CCPG1: variants seen among roughly 807,000 people sequenced by gnomAD.
CCPG1 encodes the protein cell cycle progression 1.
CCPG1 carries 46 observed loss-of-function variants against 81.3 expected under a neutral mutation model. The ratio of observed to expected loss-of-function variants is 0.57; its 90% CI spans 0.45 to 0.72. The LOEUF (loss-of-function observed/expected upper bound fraction) is 0.72. Ranked by LOEUF, CCPG1 falls within the 30% of genes least tolerant of loss-of-function variation. The probability of loss-of-function intolerance (pLI) is 0.00; values close to 1 mark genes in which losing one functional copy is unlikely to be tolerated. For synonymous variants in CCPG1, 330 were observed against 305.2 expected, an observed-to-expected ratio of 1.08 and a Z score of -0.85; for missense variants, 902 against 937.6, an observed-to-expected ratio of 0.96 and a Z score of 0.50.
chr15:55,361,956 T>G (rs1159624089), intron 7 of CCPG1, among the ~76,000 whole-genome samples: 1 of 152,146 alleles, frequency 6.6e-6, no homozygotes. Context: ...TATGGTAAAT[T>G]TTTGAAGTTC....
chr15:55,404,596 C>T (rs2057182183), intron 1 of CCPG1, among the ~76,000 whole-genome samples: 1 of 152,172 alleles, frequency 6.6e-6, no homozygotes, highest in African/African-American at 2.4e-5. Context: ...GTACTTTCAC[C>T]TCTGATTTAA....
chr15:55,399,650 C>G (rs2057089080), intron 1 of CCPG1: 1 of 152,052 alleles, frequency 6.6e-6, no homozygotes, highest in Non-Finnish European at 1.5e-5. Flanking sequence ...CCTTAAGAAG[C>G]AAATATCTGT....
At chr15:55,360,990 A>G (rs756411932) in intron 7 of CCPG1, 46 bp from the exon 8 acceptor site, 35 of 1,450,868 alleles carry the variant, frequency 2.4e-5, no homozygotes, top group Non-Finnish European at 2.8e-5. Flanking sequence ...CAAATGCTTT[A>G]AAAGCTGAAT....
chr15:55,376,875 T>C, intron 5 of CCPG1, 74 bp downstream of exon 5: 1 of 1,054,102 alleles, frequency 9.5e-7, no homozygotes, highest in Non-Finnish European at 1.4e-6. Context: ...ACTAAATTAT[T>C]AGGGGTAGAA....
At chr15:55,365,522 G>GC (rs2056308732) in intron 6 of CCPG1, among the ~76,000 whole-genome samples, 1 of 149,772 alleles carries the variant, frequency 6.7e-6, no homozygotes, top group African/African-American at 2.5e-5. Context: ...CCTGGTTCAA[G>GC]CAATTCTCGT....
intron 5 of CCPG1, among the ~76,000 whole-genome samples, chr15:55,374,929 T>C (rs999322146): frequency 2.0e-5 from 3 of 152,192 alleles, no homozygotes; most frequent in African/African-American, 7.2e-5. Flanking sequence ...TCTCCCAAAG[T>C]GCAGGGATTA....
chr15:55,377,106 A>G lies in CCPG1; in HGVS notation c.297T>C (p.Thr99=). 2.5e-6 allele frequency: 4 copies of G among 1,613,820 alleles called. No homozygotes were observed. The highest frequency in any genetic ancestry group is 2.7e-5 in the African/African-American group (2 of 75,052). ...TAACAATATCAGAATCATCACTGGCAGTTCCAATATAGATACTGTCTTCGG... is the reference window on the plus strand; with the variant it reads ...TAACAATATCAGAATCATCACTGGCGGTTCCAATATAGATACTGTCTTCGG... The part of the protein sequence containing the change: ...KIPEDSIYIG[T]ASDDSDIVTL... The change falls in exon 5 of 9, where the codon ACT becomes ACC. Residue 99 remains threonine (T), a synonymous_variant. Coordinates refer to ENST00000442196, the MANE Select transcript of CCPG1 (RefSeq NM_001204450.2).
At chr15:55,402,787 T>C (rs958424021) in intron 1 of CCPG1, among the ~76,000 whole-genome samples, 1 of 152,246 alleles carries the variant, frequency 6.6e-6, no homozygotes, top group African/African-American at 2.4e-5. Context: ...TTTGAGAATA[T>C]TAAAAACAAT....
intron 8 of CCPG1, chr15:55,356,831 C>T (rs1198999924): frequency 1.0e-6 from 1 of 989,420 alleles, no homozygotes; most frequent in East Asian, 1.1e-4. Flanking sequence ...GCTCACAACA[C>T]CTACACCGCT....
Position 55,359,575 on chromosome 15 carries a change from A to G in CCPG1, c.2198T>C (p.Phe733Ser). 6.2e-7 allele frequency: 1 copy of G among 1,611,672 alleles called. No homozygotes were observed. The highest frequency in any genetic ancestry group is 8.5e-7 in the Non-Finnish European group (1 of 1,179,332). Residue 733 changes from phenylalanine to serine, a missense_variant, in exon 8 of 9, where the codon TTC (phenylalanine) becomes TCC (serine). This residue lies in a region of CCPG1 where 128 missense variants were observed against 161.2 expected (regional missense o/e 0.79). Transcript: ENST00000442196. ...TGGAGGGGAAAAAGTGTGACCAAAG[A>G]AGTGTCTATATATATATTCATCCAA... ...EKLDEYIYRH[F>S]FGHTFSPPYG...
At chr15:55,407,044 C>CCCCCG (rs2057244826) in intron 1 of CCPG1, among the ~76,000 whole-genome samples, 4 of 135,610 alleles carry the variant, frequency 2.9e-5, no homozygotes, top group South Asian at 2.3e-4. Context: ...GAGACCCCCC[C>CCCCCG]CCCCGCCCCG....
intron 2 of CCPG1, among the ~76,000 whole-genome samples, chr15:55,388,129 A>C (rs2056841095): frequency 6.6e-6 from 1 of 151,936 alleles, no homozygotes; most frequent in African/African-American, 2.4e-5. Context: ...AGACAACAAG[A>C]GCGACAGCCT....
At chr15:55,366,695 C>G (rs767257200) in intron 6 of CCPG1, among the ~76,000 whole-genome samples, 2 of 152,110 alleles carry the variant, frequency 1.3e-5, no homozygotes, top group Non-Finnish European at 2.9e-5. Flanking sequence ...TCGCTTAAAC[C>G]CGGGAGGTGG....
intron 7 of CCPG1, among the ~76,000 whole-genome samples, chr15:55,361,270 C>T (rs958070190): frequency 6.6e-6 from 1 of 151,344 alleles, no homozygotes; most frequent in Non-Finnish European, 1.5e-5. Context: ...TGAGTTCAAG[C>T]GACTCTCCAG....
intron 1 of CCPG1, among the ~76,000 whole-genome samples, chr15:55,390,116 G>T (rs1190020516): frequency 6.6e-6 from 1 of 152,176 alleles, no homozygotes; most frequent in Non-Finnish European, 1.5e-5. Context: ...TAGAGACGGG[G>T]TTTCACTATG....
At chr15:55,368,634 T>C (rs558477839) in intron 6 of CCPG1, among the ~76,000 whole-genome samples, 52 of 152,318 alleles carry the variant, frequency 3.4e-4, no homozygotes, top group Admixed American at 2.9e-3. Context: ...TGCTTTCTCA[T>C]GAAACTTTTT....
intron 6 of CCPG1, among the ~76,000 whole-genome samples, chr15:55,370,058 AAAT>A (rs1467341406): frequency 6.6e-5 from 10 of 152,238 alleles, no homozygotes; most frequent in African/African-American, 2.4e-4. Flanking sequence ...GAAAGGATAC[AAAT>A]AATAGTATCT....
At chr15:55,363,566 A>G (rs1184392159) in intron 7 of CCPG1, among the ~76,000 whole-genome samples, 1 of 150,486 alleles carries the variant, frequency 6.6e-6, no homozygotes, top group African/African-American at 2.4e-5. Context: ...GTCTACAGCC[A>G]TAACACCCTA....
Position 55,360,718 on chromosome 15 carries a change from T to A in CCPG1, c.1055A>T (p.Gln352Leu). The change falls in exon 8 of 9, where the codon CAG becomes CTG. Residue 352 changes from glutamine to leucine, a missense_variant. Physicochemically the swap from Gln to Leu is moderately radical, Grantham distance 113 (BLOSUM62 -2). This residue lies in a region of CCPG1 where 746 missense variants were observed against 728.6 expected (regional missense o/e 1.02). Transcript: ENST00000442196. Reference sequence around the variant, plus strand: ...CTCTTCCAAATGCTGCTTAAGTTTCTGATTTTCTTTAACTAATTCAGTACT... The same window carrying A: ...CTCTTCCAAATGCTGCTTAAGTTTCAGATTTTCTTTAACTAATTCAGTACT... ...GTSTELVKEN[Q>L]KLKQHLEEEK... The A allele has an allele frequency of 1.2e-6, 2 of 1,612,018 alleles. No individual in the cohort carries two copies. The highest frequency in any genetic ancestry group is 1.7e-6 in the Non-Finnish European group (2 of 1,179,556).
Sources: allele counts gnomAD v4.1 joint callset (sites outside exome capture counted in the v4.1 genomes callset), GRCh38; gene constraint gnomAD v4.1.1; regional missense constraint gnomAD v4.1.1; transcripts MANE v1.5; gene names NCBI Gene and HGNC (gene_info 2026-07-23, HGNC 2026-07-21).